The following MAGI2 variants were observed in gnomAD, a reference collection of about 807,000 sequenced individuals.
The protein encoded by MAGI2 is membrane-associated guanylate kinase, WW and PDZ domain-containing protein 2.
A neutral mutation model predicts 133.3 loss-of-function variants in MAGI2; 35 were observed. That is an observed-to-expected ratio of 0.26 (90% CI 0.20 to 0.35). The LOEUF is 0.35. Among genes scored for constraint, MAGI2 ranks in the 10% least tolerant of loss-of-function variants. The pLI, the probability that MAGI2 is intolerant of heterozygous loss-of-function variation, is 1.00. For synonymous variants in MAGI2, 729 were observed against 710.6 expected (o/e 1.03, Z -0.41); for missense variants, 1,636 against 1,863.4 (o/e 0.88, Z 2.25).
intron 3 of MAGI2, among the ~76,000 whole-genome samples, chr7:78,584,636 GGGCAGTAGCA>G (rs1161722275): frequency 6.6e-6 from 1 of 152,062 alleles, no homozygotes; most frequent in African/African-American, 2.4e-5. Context: ...TGTAATTCAG[GGGCAGTAGCA>G]GGCTTGAGAA....
At chr7:78,286,963 T>C (rs921462550) in intron 9 of MAGI2, among the ~76,000 whole-genome samples, 11 of 152,202 alleles carry the variant, frequency 7.2e-5, no homozygotes, top group Admixed American at 5.2e-4. Context: ...GATGGAATAC[T>C]GCGACATAAG....
intron 20 of MAGI2, among the ~76,000 whole-genome samples, chr7:78,083,036 C>T (rs758359696): frequency 6.6e-6 from 1 of 152,022 alleles, no homozygotes; most frequent in African/African-American, 2.4e-5. Flanking sequence ...GCAAGGGGTT[C>T]TCTTGTTACT....
intron 3 of MAGI2, among the ~76,000 whole-genome samples, chr7:78,547,738 T>C (rs1370798647): frequency 6.6e-6 from 1 of 152,230 alleles, no homozygotes; most frequent in East Asian, 1.9e-4. Flanking sequence ...GGGAGGAAAC[T>C]GGAGTATCCA....
Position 79,048,555 on chromosome 7 carries a change from T to C in MAGI2, c.302-41349A>G, listed in dbSNP as rs374597689. Among the ~76,000 whole-genome samples the C allele has an allele frequency of 2.7e-4, 41 of 152,358 alleles. 1 individual carries two copies. The East Asian group carries it at 5.2e-3, about 19-fold the overall frequency. ...ACATTAAATATTTAGACATAAATAA[T>C]GAGTAAATGTATAAATATTTCAGAT... On this transcript the variant is annotated intron_variant, in intron 1 of 21. Coordinates refer to ENST00000354212, the MANE Select transcript of MAGI2 (RefSeq NM_012301.4).
intron 1 of MAGI2, among the ~76,000 whole-genome samples, chr7:79,039,848 A>ATATATATTATATATATATAATATATATG: frequency 6.9e-6 from 1 of 144,468 alleles, no homozygotes; most frequent in Non-Finnish European, 1.5e-5. Flanking sequence ...TTATATATAC[A>ATATATATTATATATATATAATATATATG]TATATATTAT....
At chr7:79,083,013 A>T (rs1410873283) in intron 1 of MAGI2, among the ~76,000 whole-genome samples, 1 of 151,548 alleles carries the variant, frequency 6.6e-6, no homozygotes, top group Non-Finnish European at 1.5e-5. Flanking sequence ...AATACAAATG[A>T]TTTTTTGTAT....
intron 2 of MAGI2, among the ~76,000 whole-genome samples, chr7:78,966,876 A>G (rs1803361237): frequency 7.1e-6 from 1 of 140,800 alleles, no homozygotes; most frequent in Non-Finnish European, 1.5e-5. Context: ...ATCTTAAGTG[A>G]TGATTAGTGA....
intron 3 of MAGI2, among the ~76,000 whole-genome samples, chr7:78,598,232 C>G (rs929894818): frequency 6.6e-6 from 1 of 151,972 alleles, no homozygotes; most frequent in East Asian, 1.9e-4. Context: ...AGTCTAGTGG[C>G]CACGGAAATA....
intron 1 of MAGI2, among the ~76,000 whole-genome samples, chr7:79,217,208 T>C (rs916764354): frequency 6.6e-6 from 1 of 152,050 alleles, no homozygotes; most frequent in East Asian, 1.9e-4. Flanking sequence ...GCAAGATGAA[T>C]CCTGATAAAG....
At position 79,220,543 on chromosome 7, in the gene MAGI2, G is replaced by T. The variant is rs142060486; in HGVS notation, c.302-213337C>A. 2.2e-3 allele frequency among the ~76,000 whole-genome samples: 333 copies of T among 152,082 alleles called. 3 individuals carry two copies. The highest frequency in any genetic ancestry group is 6.6e-3 in the African/African-American group (272 of 41,408). On this transcript the variant is annotated intron_variant, in intron 1 of 21. Coordinates refer to ENST00000354212, the MANE Select transcript of MAGI2 (RefSeq NM_012301.4). ...GCCAGCATCCTCCATGCACTCCCAT[G>T]AAAGATGGACCCTTTAAAGAACCTC...
intron 9 of MAGI2, among the ~76,000 whole-genome samples, chr7:78,338,509 C>T (rs1177888613): frequency 6.6e-6 from 1 of 152,166 alleles, no homozygotes; most frequent in Non-Finnish European, 1.5e-5. Flanking sequence ...ATTAACATGT[C>T]ACTGGTAAAC....
At chr7:78,557,987 T>TAA (rs1316773134) in intron 3 of MAGI2, among the ~76,000 whole-genome samples, 4,702 of 151,416 alleles carry the variant, frequency 0.031, 160 homozygotes, top group African/African-American at 0.081. Flanking sequence ...TTTTTTTTTT[T>TAA]AAAAAATAGT....
At chr7:78,115,599 A>G (rs963137626) in intron 20 of MAGI2, among the ~76,000 whole-genome samples, 1 of 152,182 alleles carries the variant, frequency 6.6e-6, no homozygotes, top group Non-Finnish European at 1.5e-5. Flanking sequence ...ACAGTAGGTC[A>G]CTACATAATG....
chr7:78,540,893 T>C (rs1798360408), intron 3 of MAGI2, among the ~76,000 whole-genome samples: 1 of 152,234 alleles, frequency 6.6e-6, no homozygotes, highest in Admixed American at 6.5e-5. Context: ...GCGAGATGTG[T>C]GTTTGGAGGC....
intron 21 of MAGI2, among the ~76,000 whole-genome samples, chr7:78,032,415 A>C (rs147298260): frequency 1.1e-3 from 164 of 152,170 alleles, no homozygotes; most frequent in Non-Finnish European, 1.7e-3. Context: ...GGGTTTCGTC[A>C]TGTTGCCCAG....
At chr7:79,425,090 A>C (rs186286476) in intron 1 of MAGI2, among the ~76,000 whole-genome samples, 39 of 152,154 alleles carry the variant, frequency 2.6e-4, no homozygotes, top group African/African-American at 8.2e-4. Flanking sequence ...TCTACTAAAA[A>C]TAGAAAAAAA....
chr7:78,782,717 G>T (rs1467027513), intron 2 of MAGI2, among the ~76,000 whole-genome samples: 2 of 152,092 alleles, frequency 1.3e-5, no homozygotes, highest in Non-Finnish European at 2.9e-5. Context: ...CATACAGACT[G>T]CCTGTGGGCC....
chr7:78,301,256 C>T (rs1053892917), intron 9 of MAGI2, among the ~76,000 whole-genome samples: 3 of 151,994 alleles, frequency 2.0e-5, no homozygotes, highest in Non-Finnish European at 2.9e-5. Flanking sequence ...GCTAGTGACC[C>T]GGAGTCAGAA....
chr7:79,207,281 T>C (rs1262703726), intron 1 of MAGI2, among the ~76,000 whole-genome samples: 1 of 151,832 alleles, frequency 6.6e-6, no homozygotes, highest in Non-Finnish European at 1.5e-5. Flanking sequence ...AGTTAAGTTG[T>C]CCCTGTTTGC....
Sources: gnomAD v4.1 joint callset for allele counts (sites outside exome capture counted in the v4.1 genomes callset) on GRCh38, gnomAD v4.1.1 for gene constraint, MANE v1.5 for transcripts, NCBI Gene and HGNC (gene_info 2026-07-23, HGNC 2026-07-21) for gene names.